PLPPR5: variants seen among roughly 807,000 people sequenced by gnomAD.
PLPPR5 encodes the protein phospholipid phosphatase related 5.
Under a neutral mutation model 33.9 loss-of-function variants are expected in PLPPR5, and 16 were observed. The observed-to-expected ratio is 0.47, with a 90% CI of 0.32 to 0.72. PLPPR5 has a LOEUF of 0.72. Among genes scored for constraint, PLPPR5 ranks in the 30% least tolerant of loss-of-function variants. The pLI is 0.03. For synonymous variants in PLPPR5, 163 were observed against 150.3 expected (o/e 1.08, Z -0.62); for missense variants, 301 against 406.7 (o/e 0.74, Z 2.23).
chr1:98,938,452 C>T (rs945941878), intron 3 of PLPPR5, among the ~76,000 whole-genome samples: 2 of 146,280 alleles, frequency 1.4e-5, no homozygotes, highest in African/African-American at 5.0e-5. Flanking sequence ...AGTATTTTTA[C>T]TGGGTAAGTG....
intron 1 of PLPPR5, among the ~76,000 whole-genome samples, chr1:98,974,733 T>C (rs12036283): frequency 0.095 from 14,494 of 152,136 alleles, 851 homozygotes; most frequent in East Asian, 0.25. Flanking sequence ...ATTCAGGTTG[T>C]ATATTCTGGC....
intron 1 of PLPPR5, among the ~76,000 whole-genome samples, chr1:98,995,360 A>G (rs138183925): frequency 0.012 from 1,882 of 152,250 alleles, 32 homozygotes; most frequent in South Asian, 0.065. Context: ...CCTATGGGAT[A>G]TTATTCTTAT....
intron 1 of PLPPR5, among the ~76,000 whole-genome samples, chr1:98,976,787 A>C (rs1356578782): frequency 3.3e-5 from 5 of 152,080 alleles, no homozygotes; most frequent in African/African-American, 9.7e-5. Context: ...AGTTAGTAAA[A>C]TAAATTATCA....
chr1:98,980,065 C>A (rs766790121), intron 1 of PLPPR5, among the ~76,000 whole-genome samples: 3 of 152,020 alleles, frequency 2.0e-5, no homozygotes, highest in Non-Finnish European at 4.4e-5. Flanking sequence ...CTGTGGCAGT[C>A]TCTATAACCA....
rs1570760217 is a variant in PLPPR5 at position 98,990,434 on chromosome 1, C to T, written c.237+14001G>A. Reference sequence around the variant, plus strand: ...AAGCACATACCATACTATATAAATGCTTAAGTAGTGAAAATTTAAAGTTAT... The same window carrying T: ...AAGCACATACCATACTATATAAATGTTTAAGTAGTGAAAATTTAAAGTTAT... On this transcript the variant is annotated intron_variant, in intron 1 of 5. Coordinates refer to ENST00000263177, the MANE Select transcript of PLPPR5 (RefSeq NM_001037317.2). 2.6e-5 allele frequency among the ~76,000 whole-genome samples: 4 copies of T among 151,904 alleles called. 1 individual carries two copies. Among genetic ancestry groups the T allele is most frequent in the Admixed American group, 2.6e-4 (4 of 15,242 alleles).
At chr1:98,956,812 A>G in intron 1 of PLPPR5, 71 bp from the exon 2 acceptor site, 2 of 1,180,676 alleles carry the variant, frequency 1.7e-6, no homozygotes, top group Non-Finnish European at 2.3e-6. Flanking sequence ...TTTTATTTTA[A>G]AAATGTAAAA....
Position 98,921,932 on chromosome 1 carries a change from A to G in PLPPR5, c.748T>C (p.Ser250Pro). ...NRVAEYRNHW[S>P]DVIAGFLVGI... ...ACCAGAAAGCCTGCTATAACATCTG[A>G]CCAATGATTTCGATATTCTGCTACT... Residue 250 changes from serine to proline, a missense_variant, in exon 4 of 6, where the codon TCA (serine) becomes CCA (proline). Ser to Pro is a moderately conservative substitution (Grantham distance 74, BLOSUM62 -1). Coordinates refer to ENST00000263177, the MANE Select transcript of PLPPR5 (RefSeq NM_001037317.2). 6.2e-7 allele frequency: 1 copy of G among 1,614,016 alleles called. No homozygotes were observed. Among genetic ancestry groups the G allele is most frequent in the Non-Finnish European group, 8.5e-7 (1 of 1,179,952 alleles).
At chr1:98,969,789 T>G (rs1651596600) in intron 1 of PLPPR5, among the ~76,000 whole-genome samples, 1 of 151,918 alleles carries the variant, frequency 6.6e-6, no homozygotes, top group Non-Finnish European at 1.5e-5. Context: ...GTCATATGGT[T>G]GAGATGTCTT....
chr1:98,971,506 TG>T (rs1174764742), intron 1 of PLPPR5, among the ~76,000 whole-genome samples: 1 of 152,074 alleles, frequency 6.6e-6, no homozygotes, highest in Admixed American at 6.6e-5. Context: ...CCATTTTTTT[TG>T]AACTCTGAGA....
intron 1 of PLPPR5, among the ~76,000 whole-genome samples, chr1:98,976,570 G>T (rs1185288927): frequency 6.6e-6 from 1 of 151,998 alleles, no homozygotes; most frequent in Non-Finnish European, 1.5e-5. Flanking sequence ...GATCTGCCCT[G>T]TCTGATGAAA....
chr1:98,958,884 T>TC (rs1279538781), intron 1 of PLPPR5, among the ~76,000 whole-genome samples: 1 of 152,090 alleles, frequency 6.6e-6, no homozygotes, highest in African/African-American at 2.4e-5. Context: ...ATGGCTGCCC[T>TC]CTCAGCCTCC....
In PLPPR5 at chr1:98,939,408, C is replaced by G. The variant is rs756058106; in HGVS notation, c.621+13662G>C. The stretch of plus-strand genomic sequence containing the variant: ...GATAAAGCCTTAAAAAGGGGACCAG[C>G]CTTAATCCAGGTTGCTAAGGTAAAA... On this transcript the variant is annotated intron_variant, in intron 3 of 5. Transcript: ENST00000263177. Among the ~76,000 whole-genome samples the G allele has an allele frequency of 3.2e-4, 48 of 151,700 alleles. 2 individuals carry two copies. Among genetic ancestry groups the G allele is most frequent in the Non-Finnish European group, 6.2e-4 (42 of 67,894 alleles).
At chr1:98,898,961 C>T (rs1648583983) in intron 5 of PLPPR5, among the ~76,000 whole-genome samples, 1 of 152,096 alleles carries the variant, frequency 6.6e-6, no homozygotes, top group Admixed American at 6.6e-5. Flanking sequence ...AGCTACAGAT[C>T]TTATGAAGTC....
chr1:98,913,682 T>C (rs1649236660), intron 5 of PLPPR5, among the ~76,000 whole-genome samples: 1 of 152,214 alleles, frequency 6.6e-6, no homozygotes, highest in African/African-American at 2.4e-5. Context: ...CTCTCACAGA[T>C]TTACACAATC....
chr1:99,005,730 C>T (rs1387019039), upstream of PLPPR5, among the ~76,000 whole-genome samples: 1 of 152,140 alleles, frequency 6.6e-6, no homozygotes, highest in Non-Finnish European at 1.5e-5. Flanking sequence ...GCAGGGATTC[C>T]TCAGGGGTCG....
chr1:98,892,116 C>G lies in PLPPR5; in HGVS notation c.*956G>C, dbSNP rs556198191. 1 of 152,084 alleles carries G rather than the reference C, an allele frequency of 6.6e-6. No individual in the cohort carries two copies. The highest frequency in any genetic ancestry group is 2.1e-4 in the South Asian group (1 of 4,826). 9.4% of individuals were successfully genotyped at this position (152,084 alleles called of 1,614,324 possible). On this transcript the variant is annotated 3_prime_UTR_variant, in exon 6 of 6. Coordinates refer to ENST00000263177, the MANE Select transcript of PLPPR5 (RefSeq NM_001037317.2). ...ACAAATGCAAAGTAAAATACATTAACCATATTTCTAGCATTTATATAATTT... is the reference window on the plus strand; with the variant it reads ...ACAAATGCAAAGTAAAATACATTAAGCATATTTCTAGCATTTATATAATTT...
chr1:98,992,203 T>A (rs1011419446), intron 1 of PLPPR5, among the ~76,000 whole-genome samples: 1 of 152,110 alleles, frequency 6.6e-6, no homozygotes, highest in Admixed American at 6.6e-5. Context: ...TCAAGTACAG[T>A]AGCTCATAGA....
At chr1:98,920,277 G>A (rs1649497579) in intron 4 of PLPPR5, among the ~76,000 whole-genome samples, 1 of 152,090 alleles carries the variant, frequency 6.6e-6, no homozygotes, top group Non-Finnish European at 1.5e-5. Flanking sequence ...TGAGATGCCA[G>A]TGAAGATGTT....
At chr1:98,909,829 C>G (rs1449222112) in intron 5 of PLPPR5, among the ~76,000 whole-genome samples, 2 of 147,392 alleles carry the variant, frequency 1.4e-5, no homozygotes, top group African/African-American at 2.4e-5. Flanking sequence ...TTACTAGTAA[C>G]CTGAATATTT....
Sources: gnomAD v4.1 joint callset for allele counts (sites outside exome capture counted in the v4.1 genomes callset) on GRCh38, gnomAD v4.1.1 for gene constraint, MANE v1.5 for transcripts, NCBI Gene and HGNC (gene_info 2026-07-23, HGNC 2026-07-21) for gene names.